The following TMEM232 variants were observed in gnomAD, a reference collection of about 807,000 sequenced individuals.
TMEM232 encodes transmembrane protein 232.
TMEM232 carries 80 observed loss-of-function variants against 78.8 expected under a neutral mutation model. The observed-to-expected ratio is 1.01, with a 90% CI of 0.85 to 1.22. TMEM232 has a LOEUF of 1.22. TMEM232 is among the 50% of genes most tolerant of loss of function. The pLI, the probability that TMEM232 is intolerant of heterozygous loss-of-function variation, is 0.00. For synonymous variants in TMEM232, 297 were observed against 254.3 expected, an observed-to-expected ratio of 1.17 and a Z score of -1.60; for missense variants, 881 against 742.2, an observed-to-expected ratio of 1.19 and a Z score of -2.17.
At chr5:110,717,209 T>C (rs771619474) in intron 1 of TMEM232, among the ~76,000 whole-genome samples, 2 of 147,876 alleles carry the variant, frequency 1.4e-5, no homozygotes, top group Non-Finnish European at 3.0e-5. Context: ...ACACACACAA[T>C]GTAACATCCG....
At chr5:110,562,974 CTGTG>C (rs1388540325) in intron 11 of TMEM232, among the ~76,000 whole-genome samples, 6 of 151,930 alleles carry the variant, frequency 3.9e-5, no homozygotes, top group Non-Finnish European at 1.5e-5. Context: ...ATAGAGTTAA[CTGTG>C]TGTTTTAGTT....
intron 12 of TMEM232, among the ~76,000 whole-genome samples, chr5:110,441,345 A>G (rs1340257017): frequency 6.6e-6 from 1 of 152,196 alleles, no homozygotes; most frequent in Non-Finnish European, 1.5e-5. Context: ...AATTGCAAGG[A>G]AATCTTCCAG....
intron 2 of TMEM232, among the ~76,000 whole-genome samples, chr5:110,733,845 T>A (rs1035788488): frequency 6.6e-6 from 1 of 152,186 alleles, no homozygotes; most frequent in Non-Finnish European, 1.5e-5. Flanking sequence ...TAAACTTTTT[T>A]AAAAAGTCAA....
chr5:110,726,409 A>C (rs1376214854), intron 1 of TMEM232, among the ~76,000 whole-genome samples: 1 of 152,130 alleles, frequency 6.6e-6, no homozygotes, highest in Admixed American at 6.5e-5. Flanking sequence ...TGGCTTTTCC[A>C]GGATGGACTG....
Position 110,627,854 on chromosome 5 carries a change from A to C in TMEM232, c.528T>G (p.Leu176=). The part of the protein sequence containing the change: ...AKIGYLVFLR[L]FIFFLHGHLE... ...GATGACCATGCAGGAAAAATATAAA[A>C]AGTCGTAAGAAGACCAAATAGCCAA... is the stretch of plus-strand genomic sequence containing the variant. The change falls in exon 6 of 14, where the codon CTT becomes CTG. Residue 176 remains leucine, a synonymous_variant. Coordinates refer to ENST00000455884, the MANE Select transcript of TMEM232 (RefSeq NM_001039763.4). 1.3e-6 allele frequency: 2 copies of C among 1,535,038 alleles called. No homozygotes were observed. The highest frequency in any genetic ancestry group is 1.8e-6 in the Non-Finnish European group (2 of 1,142,658).
chr5:110,553,514 G>A (rs1402274754), intron 11 of TMEM232, among the ~76,000 whole-genome samples: 1 of 151,632 alleles, frequency 6.6e-6, no homozygotes, highest in South Asian at 2.1e-4. Flanking sequence ...ATCCTCATTT[G>A]TCTTTTAGCT....
intron 11 of TMEM232, among the ~76,000 whole-genome samples, chr5:110,538,015 T>C (rs745635506): frequency 1.3e-5 from 2 of 152,196 alleles, no homozygotes; most frequent in Non-Finnish European, 2.9e-5. Context: ...GTCTCCACTA[T>C]TGATCCTAAT....
At chr5:110,388,741 A>G (rs1281312849) in intron 4 of TMEM232, among the ~76,000 whole-genome samples, 2 of 152,166 alleles carry the variant, frequency 1.3e-5, no homozygotes, top group Non-Finnish European at 2.9e-5. Flanking sequence ...AGTATTGTTC[A>G]AGGAAAATAA....
chr5:110,525,278 G>C (rs1770407272), intron 12 of TMEM232, among the ~76,000 whole-genome samples: 1 of 151,680 alleles, frequency 6.6e-6, no homozygotes, highest in African/African-American at 2.4e-5. Context: ...TCAGGAAAGA[G>C]AAAATAAATT....
chr5:110,625,676 C>A, intron 6 of TMEM232: 1 of 231,022 alleles, frequency 4.3e-6, no homozygotes. Flanking sequence ...TCATTGAATG[C>A]CCAATTAAAT....
intron 1 of TMEM232, among the ~76,000 whole-genome samples, chr5:110,723,827 G>A (rs568674578): frequency 6.6e-5 from 10 of 152,270 alleles, no homozygotes; most frequent in Non-Finnish European, 4.4e-5. Flanking sequence ...TTACTTTCAT[G>A]ATAGAGGCAC....
chr5:110,693,615 T>C (rs1211386171), intron 1 of TMEM232, among the ~76,000 whole-genome samples: 1 of 152,138 alleles, frequency 6.6e-6, no homozygotes, highest in Non-Finnish European at 1.5e-5. Flanking sequence ...TTAAAGGACC[T>C]GATGGAGCTG....
At chr5:110,462,688 G>T (rs765029326) in intron 12 of TMEM232, among the ~76,000 whole-genome samples, 4 of 152,060 alleles carry the variant, frequency 2.6e-5, no homozygotes, top group Non-Finnish European at 4.4e-5. Flanking sequence ...CCTATTGTGG[G>T]ACTTCATCTT....
intron 12 of TMEM232, among the ~76,000 whole-genome samples, chr5:110,453,625 C>A (rs1372112985): frequency 6.6e-6 from 1 of 152,084 alleles, no homozygotes; most frequent in Non-Finnish European, 1.5e-5. Flanking sequence ...GGTGCTTATT[C>A]AGAGCAAATT....
rs186171758 is a variant in TMEM232, at chr5:110,691,447, T to C, written c.-12-24083A>G. ...GGATGTAATTGTCCATGAATTCTTG[T>C]ATTGGATTTATGTTGTATGCCAGTA... On this transcript the variant is annotated intron_variant, in intron 1 of 13. Transcript: ENST00000455884. 3.0e-3 allele frequency among the ~76,000 whole-genome samples: 456 copies of C among 152,326 alleles called. 9 individuals are homozygous for C. The highest frequency in any genetic ancestry group is 6.8e-4 in the Non-Finnish European group (46 of 68,028).
At chr5:110,696,488 A>G (rs145535557) in intron 1 of TMEM232, among the ~76,000 whole-genome samples, 11,214 of 152,250 alleles carry the variant, frequency 0.074, 495 homozygotes, top group Admixed American at 0.12. Flanking sequence ...AAGGGCATTC[A>G]ATTAGGAAAA....
chr5:110,462,711 G>C (rs1206937325), intron 12 of TMEM232, among the ~76,000 whole-genome samples: 2 of 152,052 alleles, frequency 1.3e-5, no homozygotes, highest in African/African-American at 4.8e-5. Context: ...GATAATATGA[G>C]TCAATACTCC....
chr5:110,581,107 A>T (rs898802155), intron 10 of TMEM232, among the ~76,000 whole-genome samples: 3 of 151,932 alleles, frequency 2.0e-5, no homozygotes, highest in Admixed American at 1.3e-4. Flanking sequence ...ATACAGAGTC[A>T]ACACAATTCT....
At chr5:110,657,111 T>C (rs1404149842) in intron 2 of TMEM232, among the ~76,000 whole-genome samples, 2 of 152,050 alleles carry the variant, frequency 1.3e-5, no homozygotes, top group Non-Finnish European at 2.9e-5. Flanking sequence ...TTATCAAAAG[T>C]AACAAATAGA....
Sources: gnomAD v4.1 joint callset for allele counts (sites outside exome capture counted in the v4.1 genomes callset) on GRCh38, gnomAD v4.1.1 for gene constraint, MANE v1.5 for transcripts, NCBI Gene and HGNC (gene_info 2026-07-23, HGNC 2026-07-21) for gene names.